The following HDAC4 variants were observed in gnomAD, a reference collection of about 807,000 sequenced individuals.
HDAC4 encodes the protein histone deacetylase A.
HDAC4 carries 16 observed loss-of-function variants against 135.1 expected under a neutral mutation model. The observed-to-expected ratio is 0.12, with a 90% CI of 0.08 to 0.18. The LOEUF is 0.18. Ranked by LOEUF, HDAC4 falls within the 10% of genes least tolerant of loss-of-function variation. The pLI, the probability that HDAC4 is intolerant of heterozygous loss-of-function variation, is 1.00. For synonymous variants in HDAC4, 685 were observed against 653.4 expected (o/e 1.05, Z -0.74); for missense variants, 1,143 against 1,511.8 (o/e 0.76, Z 4.05).
At chr2:239,113,050 C>G (rs2038814422) in intron 13 of HDAC4, among the ~76,000 whole-genome samples, 1 of 152,044 alleles carries the variant, frequency 6.6e-6, no homozygotes, top group Non-Finnish European at 1.5e-5. Flanking sequence ...AATGGTGAAA[C>G]CCCATCTCTC....
chr2:239,215,991 T>A (rs1468632292), intron 3 of HDAC4, among the ~76,000 whole-genome samples: 1 of 152,224 alleles, frequency 6.6e-6, no homozygotes, highest in Non-Finnish European at 1.5e-5. Flanking sequence ...AAATTTATTT[T>A]AAAATAATAG....
chr2:239,393,091 G>A (rs1045872078), intron 1 of HDAC4, among the ~76,000 whole-genome samples: 16 of 152,164 alleles, frequency 1.1e-4, no homozygotes, highest in Admixed American at 4.6e-4. Context: ...GATGCGGCCC[G>A]TCTCAGAGCC....
At chr2:239,386,933 C>T (rs979842789) in intron 1 of HDAC4, among the ~76,000 whole-genome samples, 3 of 152,214 alleles carry the variant, frequency 2.0e-5, no homozygotes, top group Non-Finnish European at 2.9e-5. Flanking sequence ...TAGGTGGCAG[C>T]GATCAGAGGT....
intron 1 of HDAC4, among the ~76,000 whole-genome samples, chr2:239,377,934 A>G (rs1695137856): frequency 6.6e-6 from 1 of 152,128 alleles, no homozygotes; most frequent in African/African-American, 2.4e-5. Flanking sequence ...ACCCACCTCA[A>G]GGACCTCTAA....
chr2:239,063,224 G>A (rs1306779105), intron 24 of HDAC4, among the ~76,000 whole-genome samples: 2 of 151,222 alleles, frequency 1.3e-5, no homozygotes, highest in Admixed American at 6.6e-5. Flanking sequence ...TTTTTTAGGC[G>A]GAGTCTCGCT....
intron 2 of HDAC4, among the ~76,000 whole-genome samples, chr2:239,261,332 G>A (rs1007153499): frequency 4.6e-5 from 7 of 152,178 alleles, no homozygotes; most frequent in Admixed American, 1.3e-4. Context: ...TAAGGAGGGC[G>A]TACAGAAGGC....
chr2:239,092,962 G>T (rs1449965692), intron 17 of HDAC4, among the ~76,000 whole-genome samples: 1 of 152,034 alleles, frequency 6.6e-6, no homozygotes, highest in Non-Finnish European at 1.5e-5. Flanking sequence ...CATGGAGAAA[G>T]CTTCCCACGG....
intron 2 of HDAC4, among the ~76,000 whole-genome samples, chr2:239,339,220 C>G (rs1692138425): frequency 6.6e-6 from 1 of 152,228 alleles, no homozygotes; most frequent in African/African-American, 2.4e-5. Flanking sequence ...TCTGGGGTTG[C>G]CTGTAAACAC....
intron 7 of HDAC4, among the ~76,000 whole-genome samples, chr2:239,148,776 A>G (rs2041922952): frequency 6.6e-6 from 1 of 152,226 alleles, no homozygotes; most frequent in South Asian, 2.1e-4. Flanking sequence ...GGCGGGGGCC[A>G]GGCCGGGAGA....
intron 1 of HDAC4, among the ~76,000 whole-genome samples, chr2:239,387,396 C>T (rs765819366): frequency 7.2e-5 from 11 of 152,218 alleles, no homozygotes; most frequent in Admixed American, 7.2e-4. Flanking sequence ...CCGGCCGCCA[C>T]CAACGCAATG....
rs961881255 is a variant in HDAC4, at chr2:239,087,572, C to T, written c.2431G>A (p.Glu811Lys). 6.2e-7 allele frequency: 1 copy of T among 1,613,692 alleles called. No homozygotes were observed. The highest frequency in any genetic ancestry group is 1.3e-5 in the African/African-American group (1 of 74,952). The change falls in exon 19 of 27, where the codon GAG (glutamate) becomes AAG (lysine). Residue 811 changes from glutamate to lysine, a missense_variant. Around this residue, in one of 9 missense-constraint regions of HDAC4, gnomAD observed 189 missense variants for 317.6 expected, o/e 0.60. Coordinates refer to ENST00000543185, the MANE Select transcript of HDAC4 (RefSeq NM_001378414.1). The part of the protein sequence containing the change: ...VVRPPGHHAE[E>K]STPMGFCYFN... Reference sequence around the variant, plus strand: ...GCGTGTACTCACATGGGCGTGCTCTCCTCCGCATGGTGTCCAGGGGGGCGG... The same window carrying T: ...GCGTGTACTCACATGGGCGTGCTCTTCTCCGCATGGTGTCCAGGGGGGCGG...
chr2:239,312,052 G>GA (rs1021963308), intron 2 of HDAC4, among the ~76,000 whole-genome samples: 1 of 152,304 alleles, frequency 6.6e-6, no homozygotes, highest in African/African-American at 2.4e-5. Flanking sequence ...TGAAAGCCAA[G>GA]AAAAATCACA....
intron 1 of HDAC4, among the ~76,000 whole-genome samples, chr2:239,389,099 T>C (rs146145295): frequency 0.019 from 2,839 of 152,212 alleles, 89 homozygotes; most frequent in African/African-American, 0.065. Flanking sequence ...AATGCACCAA[T>C]CAGCACTCTG....
intron 2 of HDAC4, among the ~76,000 whole-genome samples, chr2:239,265,765 C>G (rs909226465): frequency 1.3e-5 from 2 of 152,208 alleles, no homozygotes; most frequent in Non-Finnish European, 2.9e-5. Flanking sequence ...GTCAGAGACA[C>G]CAGGCTTCTT....
At chr2:239,128,041 C>T (rs1196501547) in intron 11 of HDAC4, among the ~76,000 whole-genome samples, 7 of 152,218 alleles carry the variant, frequency 4.6e-5, no homozygotes, top group African/African-American at 1.7e-4. Flanking sequence ...AAGACCCCAG[C>T]AAGGCTGCTC....
In HDAC4 at chr2:239,110,793, C is replaced by T. The variant is rs141164588; in HGVS notation, c.1978+733G>A. Among the ~76,000 whole-genome samples the T allele has an allele frequency of 7.7e-3, 1,170 of 152,330 alleles. 21 individuals carry two copies. The highest frequency in any genetic ancestry group is 0.027 in the African/African-American group (1,127 of 41,572). ...TCTCAGAGGCAAGCCCTGCCAGAAG[C>T]CAGCCCTCCTTCCCTCCTCTCCCCT... On this transcript the variant is annotated intron_variant, in intron 14 of 26. Transcript: ENST00000543185.
chr2:239,346,793 A>T (rs1398473848), intron 2 of HDAC4, among the ~76,000 whole-genome samples: 2 of 83,710 alleles, frequency 2.4e-5, no homozygotes, highest in Non-Finnish European at 6.7e-5. Flanking sequence ...ACACCGTCTC[A>T]CACACACACA....
chr2:239,090,474 G>A (rs958606710), intron 17 of HDAC4, among the ~76,000 whole-genome samples: 4 of 138,546 alleles, frequency 2.9e-5, no homozygotes, highest in Admixed American at 1.5e-4. Context: ...AGTTAAGAGA[G>A]TTATTCAGCT....
At chr2:239,232,480 C>A (rs1397095579) in intron 3 of HDAC4, among the ~76,000 whole-genome samples, 1 of 152,060 alleles carries the variant, frequency 6.6e-6, no homozygotes, top group Non-Finnish European at 1.5e-5. Context: ...CCCGCCCCCA[C>A]CCCACCCTGC....
Sources: gnomAD v4.1 joint callset for allele counts (sites outside exome capture counted in the v4.1 genomes callset) on GRCh38, gnomAD v4.1.1 for gene constraint, gnomAD v4.1.1 regional missense constraint, MANE v1.5 for transcripts, NCBI Gene and HGNC (gene_info 2026-07-23, HGNC 2026-07-21) for gene names.